ZNF600: variants seen among roughly 807,000 people sequenced by gnomAD.
The protein encoded by ZNF600 is zinc finger protein 600, also known as zinc finger protein KR-ZNF1.
In ZNF600, 4 loss-of-function variants were observed where a neutral mutation model predicts 7.3. The observed-to-expected ratio is 0.55, with a 90% CI of 0.27 to 1.25. The LOEUF (loss-of-function observed/expected upper bound fraction) is 1.25. ZNF600 is among the 50% of genes most tolerant of loss of function. The pLI is 0.12. For synonymous variants in ZNF600, 290 were observed against 308.9 expected (o/e 0.94, Z 0.64); for missense variants, 911 against 922.1 (o/e 0.99, Z 0.16).
intron 3 of ZNF600, among the ~76,000 whole-genome samples, chr19:52,774,201 G>A (rs573303153): frequency 6.6e-6 from 1 of 151,946 alleles, no homozygotes; most frequent in Non-Finnish European, 1.5e-5. Flanking sequence ...AGGCCGAGGT[G>A]GGTGGATCAC....
At chr19:52,783,568 A>T (rs1191687547) in intron 1 of ZNF600, among the ~76,000 whole-genome samples, 1 of 152,054 alleles carries the variant, frequency 6.6e-6, no homozygotes, top group East Asian at 1.9e-4. Flanking sequence ...TCACCGTGTT[A>T]GCCAGGACGG....
chr19:52,794,411 C>T, the ZNF600 span, among the ~76,000 whole-genome samples: 1 of 152,160 alleles, frequency 6.6e-6, no homozygotes, highest in South Asian at 2.1e-4. Context: ...CTCACCTGTA[C>T]ATTACTGGTT....
the ZNF600 span, among the ~76,000 whole-genome samples, chr19:52,804,349 G>A: frequency 6.6e-6 from 1 of 152,100 alleles, no homozygotes; most frequent in Non-Finnish European, 1.5e-5. Flanking sequence ...AGGCTGGAGT[G>A]TAGTGGCATG....
At chr19:52,800,389 T>A in the ZNF600 span, 1 of 1,613,978 alleles carries the variant, frequency 6.2e-7, no homozygotes, top group Non-Finnish European at 8.5e-7. Context: ...TGAATCCTCC[T>A]ATGTCTTTCA....
the ZNF600 span, among the ~76,000 whole-genome samples, chr19:52,825,334 T>G: frequency 6.6e-6 from 1 of 152,102 alleles, no homozygotes; most frequent in Non-Finnish European, 1.5e-5. Flanking sequence ...CTTCCTACCT[T>G]GAAAACATGG....
chr19:52,811,221 C>T, the ZNF600 span, among the ~76,000 whole-genome samples: 73,748 of 149,654 alleles, frequency 0.49, 20,997 homozygotes, highest in Non-Finnish European at 0.66. Flanking sequence ...TGGAGTGCAG[C>T]GGCGTGATCT....
chr19:52,823,760 T>C, the ZNF600 span, among the ~76,000 whole-genome samples: 3 of 152,192 alleles, frequency 2.0e-5, no homozygotes, highest in Admixed American at 6.5e-5. Flanking sequence ...GCTTAGTTAC[T>C]TTCTAAAAAA....
At chr19:52,793,251 G>A in the ZNF600 span, among the ~76,000 whole-genome samples, 8 of 152,250 alleles carry the variant, frequency 5.3e-5, no homozygotes, top group South Asian at 2.1e-4. Context: ...GCTGTGCCCC[G>A]TCCACCTTGG....
the ZNF600 span, chr19:52,810,397 C>G: frequency 6.2e-7 from 1 of 1,604,928 alleles, no homozygotes; most frequent in Non-Finnish European, 8.5e-7. Flanking sequence ...AACCACGTTA[C>G]CATACTCTGT....
upstream of ZNF600, among the ~76,000 whole-genome samples, chr19:52,791,326 C>T (rs2062790351): frequency 1.3e-5 from 2 of 152,190 alleles, no homozygotes; most frequent in African/African-American, 4.8e-5. Context: ...GTCACTGGCT[C>T]ACAGGAGATG....
chr19:52,813,593 C>A, the ZNF600 span, among the ~76,000 whole-genome samples: 2 of 145,938 alleles, frequency 1.4e-5, no homozygotes, highest in Non-Finnish European at 3.0e-5. Flanking sequence ...CCTGCCTGCT[C>A]CTGTCCCTCC....
chr19:52,769,158 G>C (rs2062612645), intron 3 of ZNF600, among the ~76,000 whole-genome samples: 1 of 152,020 alleles, frequency 6.6e-6, no homozygotes, highest in Admixed American at 6.5e-5. Flanking sequence ...TAGCAGACCG[G>C]GAAAGGGAGT....
exon 4 of ZNF600, chr19:52,765,620 A>G (rs765972999): frequency 1.3e-5 from 21 of 1,613,822 alleles, no homozygotes; most frequent in Non-Finnish European, 1.7e-5. Flanking sequence ...GAACTGCCTG[A>G]TGGTGAATAA....
chr19:52,810,588 G>A, the ZNF600 span: 29,222 of 1,563,850 alleles, frequency 0.019, 700 homozygotes, highest in African/African-American at 0.091. Context: ...GCCCGCTACC[G>A]CGCCCGACCA....
At chr19:52,807,479 G>A in the ZNF600 span, among the ~76,000 whole-genome samples, 15 of 152,174 alleles carry the variant, frequency 9.9e-5, 1 homozygote, top group South Asian at 1.2e-3. Context: ...GTTTGTTTTT[G>A]TCTTTGTTTT....
At chr19:52,784,550 A>G (rs575986420) in intron 1 of ZNF600, among the ~76,000 whole-genome samples, 106 of 152,346 alleles carry the variant, frequency 7.0e-4, no homozygotes, top group Non-Finnish European at 1.2e-3. Context: ...GATTCCAAGT[A>G]GAAGCTAACC....
chr19:52,787,303 G>A (rs2062772926), upstream of ZNF600, among the ~76,000 whole-genome samples: 1 of 152,278 alleles, frequency 6.6e-6, no homozygotes, highest in East Asian at 1.9e-4. Context: ...AGCAGCGGCG[G>A]GAGAATCCCT....
chr19:52,818,374 C>T, the ZNF600 span, among the ~76,000 whole-genome samples: 3 of 152,088 alleles, frequency 2.0e-5, no homozygotes, highest in Non-Finnish European at 2.9e-5. Flanking sequence ...CTCAGAAGTT[C>T]GAGACCAGCC....
chr19:52,823,277 A>G, the ZNF600 span, among the ~76,000 whole-genome samples: 1 of 152,040 alleles, frequency 6.6e-6, no homozygotes, highest in African/African-American at 2.4e-5. Flanking sequence ...GCAGTGGTGC[A>G]ATCTTGGCTC....
Sources: allele counts gnomAD v4.1 joint callset (sites outside exome capture counted in the v4.1 genomes callset), GRCh38; gene constraint gnomAD v4.1.1; transcripts MANE v1.5; gene names NCBI Gene and HGNC (gene_info 2026-07-23, HGNC 2026-07-21).